GALNT13: variants seen among roughly 807,000 people sequenced by gnomAD.
GALNT13 encodes polypeptide N-acetylgalactosaminyltransferase 13, also known as UDP-GalNAc:polypeptide N-acetylgalactosaminyltransferase 13.
GALNT13 carries 28 observed loss-of-function variants against 64.2 expected under a neutral mutation model. That is an observed-to-expected ratio of 0.44 (90% CI 0.32 to 0.60). GALNT13 has a LOEUF of 0.60. Ranked by LOEUF, GALNT13 falls within the 20% of genes least tolerant of loss-of-function variation. The pLI is 0.05. For missense variants in GALNT13, 577 were observed against 669.8 expected, an observed-to-expected ratio of 0.86 and a Z score of 1.53; for synonymous variants, 214 against 224.6, an observed-to-expected ratio of 0.95 and a Z score of 0.42.
chr2:153,074,341 A>C, the GALNT13 span, among the ~76,000 whole-genome samples: 1 of 152,196 alleles, frequency 6.6e-6, no homozygotes, highest in Non-Finnish European at 1.5e-5. Flanking sequence ...TCACTTCTCT[A>C]ACATTTTTCA....
the GALNT13 span, among the ~76,000 whole-genome samples, chr2:153,336,920 T>C: frequency 2.0e-4 from 31 of 152,314 alleles, no homozygotes; most frequent in East Asian, 5.8e-3. Flanking sequence ...ATTCTTGTGA[T>C]AGCAATTAAG....
Position 154,342,597 on chromosome 2 carries a change from TA to T in GALNT13, c.1156+41016del, listed in dbSNP as rs960628161. ...TATCAAATTCAGATTTCAGTGTTCATAAAAAAAACTTTAATTACAACACACA... is the reference window on the plus strand; with the variant it reads ...TATCAAATTCAGATTTCAGTGTTCATAAAAAAACTTTAATTACAACACACA... On this transcript the variant is annotated intron_variant, in intron 9 of 12. Coordinates refer to ENST00000392825, the MANE Select transcript of GALNT13 (RefSeq NM_052917.4). Among the ~76,000 whole-genome samples the T allele has an allele frequency of 9.5e-4, 145 of 152,028 alleles. 1 individual carries two copies. The highest frequency in any genetic ancestry group is 4.8e-4 in the African/African-American group (20 of 41,484).
the GALNT13 span, among the ~76,000 whole-genome samples, chr2:153,628,194 T>C: frequency 6.6e-6 from 1 of 151,936 alleles, no homozygotes; most frequent in African/African-American, 2.4e-5. Flanking sequence ...TACATTGATT[T>C]TGTATCCTGA....
At chr2:153,908,488 T>A (rs1440310778) in intron 2 of GALNT13, among the ~76,000 whole-genome samples, 2 of 152,168 alleles carry the variant, frequency 1.3e-5, no homozygotes, top group East Asian at 3.8e-4. Flanking sequence ...AGAATGGTAT[T>A]TTCTAGGTTG....
At chr2:153,546,460 T>G in the GALNT13 span, among the ~76,000 whole-genome samples, 1 of 152,204 alleles carries the variant, frequency 6.6e-6, no homozygotes, top group Non-Finnish European at 1.5e-5. Flanking sequence ...GAGCATATAT[T>G]GTATTTGAGA....
chr2:153,465,566 A>G, the GALNT13 span, among the ~76,000 whole-genome samples: 2 of 151,726 alleles, frequency 1.3e-5, no homozygotes, highest in Admixed American at 6.6e-5. Flanking sequence ...TGTTAAATCC[A>G]TGAGTCTGTA....
the GALNT13 span, among the ~76,000 whole-genome samples, chr2:153,260,162 T>A: frequency 6.6e-6 from 1 of 152,244 alleles, no homozygotes; most frequent in Non-Finnish European, 1.5e-5. Flanking sequence ...TATTATATGG[T>A]CTATGTCTTG....
intron 11 of GALNT13, among the ~76,000 whole-genome samples, chr2:154,417,389 A>G (rs1700058219): frequency 6.6e-6 from 1 of 150,546 alleles, no homozygotes; most frequent in East Asian, 1.9e-4. Flanking sequence ...CATCAACTTT[A>G]TGGACCCTGA....
At chr2:154,415,099 A>C (rs2105407631) in intron 11 of GALNT13, among the ~76,000 whole-genome samples, 1 of 151,616 alleles carries the variant, frequency 6.6e-6, no homozygotes, top group South Asian at 2.1e-4. Flanking sequence ...TAGGAGTTTG[A>C]GTCCAGCCTG....
At chr2:154,393,934 C>T (rs894074107) in intron 9 of GALNT13, among the ~76,000 whole-genome samples, 1 of 149,806 alleles carries the variant, frequency 6.7e-6, no homozygotes, top group East Asian at 2.0e-4. Flanking sequence ...AAAAATTAGC[C>T]GGGCGTAGTG....
intron 3 of GALNT13, among the ~76,000 whole-genome samples, chr2:154,051,796 C>A (rs1425662638): frequency 6.6e-6 from 1 of 152,120 alleles, no homozygotes; most frequent in Non-Finnish European, 1.5e-5. Flanking sequence ...TTCACTCCAG[C>A]ATGTGAGCTA....
chr2:153,234,203 T>G, the GALNT13 span, among the ~76,000 whole-genome samples: 2 of 152,168 alleles, frequency 1.3e-5, no homozygotes, highest in Non-Finnish European at 2.9e-5. Flanking sequence ...TTCCATGCAT[T>G]TGGGTCTCTA....
the GALNT13 span, among the ~76,000 whole-genome samples, chr2:153,265,174 C>T: frequency 6.6e-6 from 1 of 152,048 alleles, no homozygotes; most frequent in Non-Finnish European, 1.5e-5. Flanking sequence ...CCTTGGCAAC[C>T]CCAGCTGATG....
upstream of GALNT13, among the ~76,000 whole-genome samples, chr2:153,869,484 A>G (rs1685814376): frequency 6.6e-6 from 1 of 152,180 alleles, no homozygotes; most frequent in Non-Finnish European, 1.5e-5. Flanking sequence ...GATATTGTGT[A>G]GAATTTTCCT....
the GALNT13 span, among the ~76,000 whole-genome samples, chr2:153,117,728 G>A: frequency 6.6e-6 from 1 of 152,072 alleles, no homozygotes; most frequent in African/African-American, 2.4e-5. Flanking sequence ...TGAATTTCCT[G>A]TAGACACCTC....
the GALNT13 span, among the ~76,000 whole-genome samples, chr2:153,069,710 C>A: frequency 6.6e-6 from 1 of 152,124 alleles, no homozygotes; most frequent in East Asian, 1.9e-4. Context: ...AAGGTGATGT[C>A]CTACAAATAG....
chr2:153,886,138 C>G (rs1198855058), intron 1 of GALNT13, among the ~76,000 whole-genome samples: 15 of 148,674 alleles, frequency 1.0e-4, no homozygotes. Context: ...GTGGTAAAAC[C>G]TAGTCTTTTA....
intron 3 of GALNT13, among the ~76,000 whole-genome samples, chr2:153,989,829 G>A (rs1217505771): frequency 6.6e-6 from 1 of 152,040 alleles, no homozygotes; most frequent in African/African-American, 2.4e-5. Context: ...ATGTTGATAT[G>A]ATCTCAGAAT....
intron 10 of GALNT13, among the ~76,000 whole-genome samples, chr2:154,404,779 G>A (rs561607921): frequency 1.3e-5 from 2 of 152,194 alleles, no homozygotes; most frequent in African/African-American, 4.8e-5. Context: ...GAATGGTCCA[G>A]ATTAAAATGG....
Sources: allele counts gnomAD v4.1 joint callset (sites outside exome capture counted in the v4.1 genomes callset), GRCh38; gene constraint gnomAD v4.1.1; transcripts MANE v1.5; gene names NCBI Gene and HGNC (gene_info 2026-07-23, HGNC 2026-07-21).